NCOR1: variants seen among roughly 807,000 people sequenced by gnomAD.
NCOR1 encodes the protein nuclear receptor corepressor 1.
A neutral mutation model predicts 288.1 loss-of-function variants in NCOR1; 63 were observed. That is an observed-to-expected ratio of 0.22 (90% confidence interval 0.18 to 0.27). The LOEUF is 0.27. Ranked by LOEUF, NCOR1 falls within the 10% of genes least tolerant of loss-of-function variation. NCOR1 has a pLI of 1.00. For missense variants in NCOR1, 2,397 were observed against 3,019.2 expected (o/e 0.79, Z 4.83); for synonymous variants, 1,007 against 1,065.9 (o/e 0.94, Z 1.08).
At chr17:16,064,282 A>T in intron 34 of NCOR1, 95 bp from the exon 35 acceptor site, 1 of 1,468,948 alleles carries the variant, frequency 6.8e-7, no homozygotes, top group African/African-American at 1.4e-5. Context: ...AAATTTTTCA[A>T]AAAGCTTCAA....
chr17:16,088,813 C>T (rs1056290850), intron 22 of NCOR1, among the ~76,000 whole-genome samples: 4 of 152,032 alleles, frequency 2.6e-5, no homozygotes, highest in African/African-American at 7.2e-5. Context: ...AGTATAATTC[C>T]GGACCGTTAG....
rs952698759 is a variant in NCOR1 at position 16,212,806 on chromosome 17, T to G, written c.-71+2556A>C. ...TGCTTTTAAGGCCGGGTGCAGTGGC[T>G]CACCCCTATCATCCTAGCACTTTGG... On this transcript the variant is annotated intron_variant, in intron 1 of 45. Transcript: ENST00000268712. Among the ~76,000 whole-genome samples, 37 of 152,156 alleles carry G rather than the reference T, an allele frequency of 2.4e-4. 1 individual carries two copies. Among genetic ancestry groups the G allele is most frequent in the African/African-American group, 7.5e-4 (31 of 41,510 alleles).
intron 42 of NCOR1, among the ~76,000 whole-genome samples, chr17:16,043,330 G>A (rs1330605024): frequency 6.6e-6 from 1 of 152,154 alleles, no homozygotes; most frequent in African/African-American, 2.4e-5. Flanking sequence ...GGCTAAATGT[G>A]CCATGGTGGG....
At chr17:16,034,475 G>A (rs1451646586) in intron 45 of NCOR1, among the ~76,000 whole-genome samples, 4 of 152,130 alleles carry the variant, frequency 2.6e-5, no homozygotes, top group Admixed American at 6.5e-5. Context: ...AGGCATGGTC[G>A]TGCACGCCTG....
intron 10 of NCOR1, 81 bp downstream of exon 10, chr17:16,146,295 A>G (rs1008196237): frequency 7.5e-7 from 1 of 1,333,410 alleles, no homozygotes; most frequent in African/African-American, 1.5e-5. Flanking sequence ...TGATCAATAC[A>G]TACTAAAAAA....
intron 25 of NCOR1, 35 bp downstream of exon 25, chr17:16,080,373 A>G: frequency 1.3e-6 from 2 of 1,535,912 alleles, no homozygotes; most frequent in Non-Finnish European, 8.9e-7. Context: ...ATTGGGGACA[A>G]AAGTTTAACA....
At chr17:16,044,443 AG>A in intron 42 of NCOR1, 1 of 471,974 alleles carries the variant, frequency 2.1e-6, no homozygotes, top group Non-Finnish European at 4.4e-6. Context: ...TTCTTTTGAC[AG>A]GATCAGGAGA....
At chr17:16,033,322 C>T (rs1168591390) in intron 45 of NCOR1, among the ~76,000 whole-genome samples, 4 of 133,142 alleles carry the variant, frequency 3.0e-5, no homozygotes, top group Non-Finnish European at 3.1e-5. Context: ...GCAACAAGAA[C>T]GAAACTCCGT....
intron 42 of NCOR1, chr17:16,044,860 C>G: frequency 1.2e-6 from 1 of 821,698 alleles, no homozygotes; most frequent in South Asian, 1.4e-5. Context: ...TGGGATCCTG[C>G]CCACTCCACT....
At chr17:16,092,433 G>A (rs1175893827) in intron 21 of NCOR1, among the ~76,000 whole-genome samples, 1 of 151,768 alleles carries the variant, frequency 6.6e-6, no homozygotes, top group Non-Finnish European at 1.5e-5. Context: ...GTTGCAGTGG[G>A]CTGAGATTGC....
rs117323951 is a variant in NCOR1 at position 16,191,647 on chromosome 17, G to C, written c.108+2815C>G. 3.4e-3 allele frequency among the ~76,000 whole-genome samples: 511 copies of C among 152,130 alleles called. 1 individual carries two copies. Among genetic ancestry groups the C allele is most frequent in the Non-Finnish European group, 4.2e-3 (288 of 68,004 alleles). ...GTGAACAGAGGTCCAGTGAACTGTG[G>C]AATAACATGCAACATGAGTAATTGG... On this transcript the variant is annotated intron_variant, in intron 2 of 45. Coordinates refer to ENST00000268712, the MANE Select transcript of NCOR1 (RefSeq NM_006311.4).
intron 3 of NCOR1, among the ~76,000 whole-genome samples, chr17:16,181,205 A>ATGTGTGTGTGTGTG (rs1555787614): frequency 1.0e-5 from 1 of 98,994 alleles, no homozygotes; most frequent in Admixed American, 1.0e-4. Context: ...GTATACATAT[A>ATGTGTGTGTGTGTG]TATGTATGTG....
chr17:16,212,272 A>G (rs1444129971), intron 1 of NCOR1, among the ~76,000 whole-genome samples: 1 of 151,396 alleles, frequency 6.6e-6, no homozygotes, highest in Non-Finnish European at 1.5e-5. Context: ...GTCTCAAAGG[A>G]AAAAAAAAGA....
At chr17:16,093,455 CTG>C (rs1318447891) in intron 21 of NCOR1, among the ~76,000 whole-genome samples, 2 of 152,164 alleles carry the variant, frequency 1.3e-5, no homozygotes, top group Admixed American at 6.5e-5. Context: ...CAGTTTGAAA[CTG>C]TTTTATTTTT....
intron 22 of NCOR1, chr17:16,091,528 G>T: frequency 9.2e-7 from 1 of 1,089,592 alleles, no homozygotes; most frequent in Non-Finnish European, 1.1e-6. Context: ...AAGGTGATTT[G>T]CTTCAAGGAC....
chr17:16,075,626 T>C lies in NCOR1; in HGVS notation c.3578A>G (p.Glu1193Gly). ...TCTGCCTTTCTCAGGACTGCTGTCT[T>C]CAATGGGCATTCTCGAAATGGACCC... ...VKGSISRMPIEDSSPEKGREE... is the reference protein window; with the variant it reads ...VKGSISRMPIGDSSPEKGREE... The change falls in exon 27 of 46, where the codon GAA becomes GGA. Residue 1193 changes from glutamate (E) to glycine (G), a missense_variant. Physicochemically the swap from Glu to Gly is moderately conservative, Grantham distance 98. Around this residue, in one of 11 missense-constraint regions of NCOR1, gnomAD observed 1,872 missense variants for 2,187.8 expected, o/e 0.86. Coordinates refer to ENST00000268712, the MANE Select transcript of NCOR1 (RefSeq NM_006311.4). 6.2e-7 allele frequency: 1 copy of C among 1,614,236 alleles called. No homozygotes were observed. Among genetic ancestry groups the C allele is most frequent in the Non-Finnish European group, 8.5e-7 (1 of 1,180,044 alleles).
chr17:16,168,881 G>T lies in NCOR1; in HGVS notation c.435+2922C>A, dbSNP rs574624358. Among the ~76,000 whole-genome samples, 4 of 151,000 alleles carry T rather than the reference G, an allele frequency of 2.6e-5. No individual in the cohort carries two copies. The East Asian group carries it at 7.9e-4, about 30-fold the overall frequency. ...AGCTACTCGGGAGGCTGAGGCAGGA[G>T]AATTGCTGGGAGGTATAGGTTGCAG... On this transcript the variant is annotated intron_variant, in intron 4 of 45. Coordinates refer to ENST00000268712, the MANE Select transcript of NCOR1 (RefSeq NM_006311.4).
At chr17:16,082,495 C>T (rs755065201) in intron 23 of NCOR1, among the ~76,000 whole-genome samples, 5 of 152,002 alleles carry the variant, frequency 3.3e-5, no homozygotes, top group Admixed American at 6.5e-5. Flanking sequence ...GCAGGAGGAT[C>T]GCTTGAGGCC....
chr17:16,071,132 T>C (rs998968161), intron 30 of NCOR1, among the ~76,000 whole-genome samples: 1 of 148,500 alleles, frequency 6.7e-6, no homozygotes, highest in African/African-American at 2.5e-5. Context: ...ATACAAAAAT[T>C]CTGGGTGTGG....
Sources: gnomAD v4.1 joint callset for allele counts (sites outside exome capture counted in the v4.1 genomes callset) on GRCh38, gnomAD v4.1.1 for gene constraint, gnomAD v4.1.1 regional missense constraint, MANE v1.5 for transcripts, NCBI Gene and HGNC (gene_info 2026-07-23, HGNC 2026-07-21) for gene names.